The following NAP1L4 variants were observed in gnomAD, a reference collection of about 807,000 sequenced individuals.
NAP1L4 encodes the protein nucleosome assembly protein 1 like 4, also known as nucleosome assembly protein 1-like 4.
NAP1L4 carries 15 observed loss-of-function variants against 58.2 expected under a neutral mutation model. That is an observed-to-expected ratio of 0.26 (90% CI 0.17 to 0.40). NAP1L4 has a LOEUF of 0.40. NAP1L4 is among the 10% of genes least tolerant of loss of function. The pLI is 1.00. For synonymous variants in NAP1L4, 171 were observed against 155.6 expected (o/e 1.10, Z -0.74); for missense variants, 384 against 451.1 (o/e 0.85, Z 1.35).
intron 1 of NAP1L4, among the ~76,000 whole-genome samples, chr11:2,979,608 A>G (rs557966082): frequency 2.1e-4 from 32 of 152,172 alleles, no homozygotes; most frequent in Non-Finnish European, 4.0e-4. Context: ...CCCCATCTCT[A>G]CTAAAAATAC....
intron 7 of NAP1L4, among the ~76,000 whole-genome samples, chr11:2,967,598 G>A (rs550480320): frequency 2.9e-4 from 41 of 143,742 alleles, no homozygotes; most frequent in African/African-American, 5.6e-4. Context: ...GCGACAGAGC[G>A]AGACTCCGTT....
chr11:2,958,447 T>C lies in NAP1L4; in HGVS notation c.844A>G (p.Lys282Glu), dbSNP rs970209772. 1 of 1,614,216 alleles carries C rather than the reference T, an allele frequency of 6.2e-7. No homozygotes were observed. The highest frequency in any genetic ancestry group is 8.5e-7 in the Non-Finnish European group (1 of 1,180,032). Residue 282 changes from lysine (K) to glutamate (E), a missense_variant, in exon 10 of 16, where the codon AAA becomes GAA. Coordinates refer to ENST00000380542, the MANE Select transcript of NAP1L4 (RefSeq NM_005969.4). ...KGRGTVRTIT[K>E]QVPNESFFNF... ...AAAAAGGACTCATTGGGTACTTGTT[T>C]CGTAATTGTTCTAACAGTGCCTCGA...
chr11:2,952,198 CATA>C (rs1233131590), intron 12 of NAP1L4: 1 of 244,886 alleles, frequency 4.1e-6, no homozygotes, highest in Non-Finnish European at 8.0e-6. Flanking sequence ...GAACCAGCAG[CATA>C]ATGTTATTGG....
At chr11:2,983,927 A>G (rs1564991585) in intron 1 of NAP1L4, 1 of 151,784 alleles carries the variant, frequency 6.6e-6, no homozygotes, top group South Asian at 2.1e-4. Flanking sequence ...CAGAGGTTGC[A>G]GTAAGCTGAA....
At chr11:2,985,397 ATC>A (rs151323492) in intron 1 of NAP1L4, among the ~76,000 whole-genome samples, 32,057 of 152,120 alleles carry the variant, frequency 0.21, 3,601 homozygotes, top group South Asian at 0.34. Flanking sequence ...GAAAATAAAT[ATC>A]TGTTTGTTTT....
intron 7 of NAP1L4, among the ~76,000 whole-genome samples, chr11:2,968,688 G>A (rs1375168843): frequency 6.6e-6 from 1 of 152,170 alleles, no homozygotes; most frequent in African/African-American, 2.4e-5. Flanking sequence ...AACGCACAGT[G>A]CCTATGCTCT....
chr11:2,981,823 G>A (rs58220155), intron 1 of NAP1L4: 16,016 of 152,820 alleles, frequency 0.1, 987 homozygotes, highest in African/African-American at 0.16. Flanking sequence ...GCAAAACTCC[G>A]TCTCAAAAAC....
chr11:2,978,293 T>C lies in NAP1L4; in HGVS notation c.64A>G (p.Ser22Gly). 1 of 1,614,066 alleles carries C rather than the reference T, an allele frequency of 6.2e-7. No homozygotes were observed. The highest frequency in any genetic ancestry group is 8.5e-7 in the Non-Finnish European group (1 of 1,179,948). ...TGTGCAGTGGACTGACCTGTGTTAC[T>C]TGCATTTTTAGCAGCTTCCACGGAA... The part of the protein sequence containing the change: ...SDSVEAAKNA[S>G]NTEKLTDQVM... The change falls in exon 3 of 16, where the codon AGT (serine) becomes GGT (glycine). Residue 22 changes from serine (S) to glycine (G), a missense_variant. Around this residue, in one of 3 missense-constraint regions of NAP1L4, gnomAD observed 84 missense variants for 73.7 expected, o/e 1.14. Coordinates refer to ENST00000380542, the MANE Select transcript of NAP1L4 (RefSeq NM_005969.4).
In NAP1L4 at chr11:2,945,063, CAAG is replaced by C. The variant is rs1007586113; in HGVS notation, c.*613_*615del. 5 of 151,508 alleles carry C rather than the reference CAAG, an allele frequency of 3.3e-5. No individual in the cohort carries two copies. Among genetic ancestry groups the C allele is most frequent in the African/African-American group, 9.7e-5 (4 of 41,154 alleles). The allele number at this position is 151,508 out of a possible 1,614,324, so 9.4% of individuals were successfully genotyped here. A position where few individuals can be genotyped will look rare whatever the true frequency, so the allele number is the denominator to read the frequency against. On this transcript the variant is annotated 3_prime_UTR_variant, in exon 16 of 16. Coordinates refer to ENST00000380542, the MANE Select transcript of NAP1L4 (RefSeq NM_005969.4). ...CCCACCCCTAAAAAAAAAAAAAAAT[CAAG>C]AAGCAACATCCTAAGGAGAACAGGG... is the stretch of plus-strand genomic sequence containing the variant.
intron 4 of NAP1L4, 38 bp downstream of exon 4, chr11:2,975,986 C>T (rs1213616902): frequency 3.3e-6 from 5 of 1,535,050 alleles, no homozygotes; most frequent in Non-Finnish European, 4.4e-6. Flanking sequence ...CCTTTTGTTT[C>T]TCCAAATTGC....
In NAP1L4 at chr11:2,972,096, C is replaced by T. The variant is rs375602950; in HGVS notation, c.315+6G>A. On this transcript the variant is annotated splice_donor_region_variant and intron_variant, in intron 5 of 15. Coordinates refer to ENST00000380542, the MANE Select transcript of NAP1L4 (RefSeq NM_005969.4). ...ATCTGTATATTAAATTAACAGAGCT[C>T]CCTACCTTGTCAAAGAGAGGCTGGT... The T allele has an allele frequency of 6.4e-7, 1 of 1,555,670 alleles. No individual in the cohort carries two copies. Among genetic ancestry groups the T allele is most frequent in the African/African-American group, 1.4e-5 (1 of 71,056 alleles).
At chr11:2,975,175 A>G (rs1309051258) in intron 4 of NAP1L4, among the ~76,000 whole-genome samples, 2 of 149,076 alleles carry the variant, frequency 1.3e-5, no homozygotes, top group African/African-American at 4.9e-5. Flanking sequence ...AAAAATTGCC[A>G]TGCATGGTGG....
rs913008775 is a variant in NAP1L4 at position 2,945,581 on chromosome 11, G to T, written c.*98C>A. On this transcript the variant is annotated 3_prime_UTR_variant, in exon 16 of 16. Transcript: ENST00000380542. ...CCACAGGCCTGGAGTCCCGACAGCC[G>T]GTCTGCCAGGCACCCGCCTCCGCTT... The T allele has an allele frequency of 7.0e-5, 107 of 1,535,076 alleles. No homozygotes were observed. The highest frequency in any genetic ancestry group is 7.9e-5 in the Non-Finnish European group (91 of 1,146,202).
Position 2,954,059 on chromosome 11 carries a change from T to C in NAP1L4, c.1035+468A>G, listed in dbSNP as rs1846383264. ...AAAGTGACATGCAATCTTGTTGTTT[T>C]CTTCGGGAGCACGGGTTTCTTTTTT... is the stretch of plus-strand genomic sequence containing the variant. On this transcript the variant is annotated intron_variant, in intron 12 of 15. Transcript: ENST00000380542. This position sits in a 1 kb window ranked among gnomAD's most constrained non-coding sequence, Gnocchi z 4.8. 6.6e-6 allele frequency among the ~76,000 whole-genome samples: 1 copy of C among 152,240 alleles called. No homozygotes were observed. The highest frequency in any genetic ancestry group is 1.5e-5 in the Non-Finnish European group (1 of 68,038).
chr11:2,980,014 C>A (rs1478847686), intron 1 of NAP1L4, among the ~76,000 whole-genome samples: 1 of 152,122 alleles, frequency 6.6e-6, no homozygotes, highest in Non-Finnish European at 1.5e-5. Context: ...ATTACTTCTA[C>A]ACTGAGGATG....
intron 1 of NAP1L4, among the ~76,000 whole-genome samples, chr11:2,979,539 G>A (rs946473297): frequency 1.2e-4 from 19 of 152,266 alleles, no homozygotes; most frequent in African/African-American, 3.4e-4. Flanking sequence ...TTGGGAGGCC[G>A]AGGTGGGTGG....
intron 4 of NAP1L4, among the ~76,000 whole-genome samples, chr11:2,972,920 A>G (rs1847732778): frequency 6.6e-6 from 1 of 152,162 alleles, no homozygotes; most frequent in Non-Finnish European, 1.5e-5. Flanking sequence ...GCAGGGAGCT[A>G]TGATTGCGCT....
chr11:2,972,410 G>C, intron 4 of NAP1L4, 167 bp from the exon 5 acceptor site: 1 of 451,678 alleles, frequency 2.2e-6, no homozygotes, highest in East Asian at 3.6e-5. Context: ...GGAAAAAAAG[G>C]ATACAGGAGG....
chr11:2,951,137 T>TA lies in NAP1L4; in HGVS notation c.1122+121dup, dbSNP rs1195604448. ...ATTCCACTATTTTTCTGACACATTTTAAACTTTCTAATTAGGGAATAATGA... is the reference window on the plus strand; with the variant it reads ...ATTCCACTATTTTTCTGACACATTTTAAAACTTTCTAATTAGGGAATAATGA... On this transcript the variant is annotated intron_variant, in intron 14 of 15. Transcript: ENST00000380542. This position sits in a 1 kb window ranked among gnomAD's most constrained non-coding sequence, Gnocchi z 4.0. The TA allele has an allele frequency of 1.3e-6, 1 of 782,346 alleles. No homozygotes were observed. Among genetic ancestry groups the TA allele is most frequent in the African/African-American group, 1.7e-5 (1 of 57,790 alleles). The allele number at this position is 782,346 out of a possible 1,614,324, so 48.5% of individuals were successfully genotyped here.
Sources: allele counts gnomAD v4.1 joint callset (sites outside exome capture counted in the v4.1 genomes callset), GRCh38; gene constraint gnomAD v4.1.1; regional missense constraint gnomAD v4.1.1; non-coding constraint Gnocchi (gnomAD v3.1); transcripts MANE v1.5; gene names NCBI Gene and HGNC (gene_info 2026-07-23, HGNC 2026-07-21).